SFMBT2: variants seen among roughly 807,000 people sequenced by gnomAD.
SFMBT2 encodes the protein Scm like with four mbt domains 2.
A neutral mutation model predicts 110.1 loss-of-function variants in SFMBT2; 38 were observed. The observed-to-expected ratio is 0.35, with a 90% CI of 0.27 to 0.45. The LOEUF is 0.45. Ranked by LOEUF, SFMBT2 falls within the 20% of genes least tolerant of loss-of-function variation. The pLI is 1.00. For missense variants in SFMBT2, 1,011 were observed against 1,094.9 expected, an observed-to-expected ratio of 0.92 and a Z score of 1.08; for synonymous variants, 425 against 425.4, an observed-to-expected ratio of 1.00 and a Z score of 0.01.
chr10:7,199,558 G>C (rs1430137813), intron 14 of SFMBT2, among the ~76,000 whole-genome samples: 3 of 152,114 alleles, frequency 2.0e-5, no homozygotes, highest in Non-Finnish European at 4.4e-5. Context: ...ACTATGAAAG[G>C]GTAGCTGTCA....
chr10:7,332,307 G>A (rs1843585160), intron 4 of SFMBT2, among the ~76,000 whole-genome samples: 1 of 152,212 alleles, frequency 6.6e-6, no homozygotes, highest in South Asian at 2.1e-4. Flanking sequence ...ATCCAAATGA[G>A]AGAAGACGCT....
At position 7,176,054 on chromosome 10, in the gene SFMBT2, A is replaced by G; in HGVS notation, c.1920T>C (p.Phe640=). 6.2e-7 allele frequency: 1 copy of G among 1,614,220 alleles called. No homozygotes were observed. Among genetic ancestry groups the G allele is most frequent in the Non-Finnish European group, 8.5e-7 (1 of 1,180,044 alleles). The change falls in exon 17 of 21, where the codon TTT becomes TTC. Residue 640 remains phenylalanine (F), a synonymous_variant. Transcript: ENST00000397167. ...AGTTTTCAGATATCAGCACAGGACT[A>G]AACAAATTTGGACAGCACTCTAGCT... ...CAKLECCPNL[F]SPVLISENCP...
chr10:7,202,882 A>G lies in SFMBT2; in HGVS notation c.1445-360T>C, dbSNP rs148680637. On this transcript the variant is annotated intron_variant, in intron 12 of 20. Transcript: ENST00000397167. ...TATCCGGAATGATTTTTTTCCAATA[A>G]AAATTGTGATGAAGCAAATCATGTT... is the stretch of plus-strand genomic sequence containing the variant. 7.8e-4 allele frequency: 768 copies of G among 985,452 alleles called. 6 individuals are homozygous for G. In the African/African-American group the frequency reaches 0.011, roughly 14 times the overall value. 61.0% of individuals were successfully genotyped at this position (985,452 alleles called of 1,614,324 possible). A position where few individuals can be genotyped will look rare whatever the true frequency, so the allele number is the denominator to read the frequency against.
intron 1 of SFMBT2, among the ~76,000 whole-genome samples, chr10:7,395,518 A>G (rs1321630791): frequency 6.6e-6 from 1 of 152,166 alleles, no homozygotes; most frequent in Non-Finnish European, 1.5e-5. Flanking sequence ...AATTATTGCT[A>G]ATTTCCTCAT....
Position 7,393,737 on chromosome 10 carries a change from G to A in SFMBT2, c.-51-11788C>T, listed in dbSNP as rs570029132. 1.6e-3 allele frequency among the ~76,000 whole-genome samples: 241 copies of A among 152,278 alleles called. 1 individual carries two copies. Among genetic ancestry groups the A allele is most frequent in the Non-Finnish European group, 2.5e-3 (170 of 68,022 alleles). ...AGTTCTGCTAATGGGAGGTGTACGG[G>A]ATTCACGTGTCCAACTACACGGTGG... On this transcript the variant is annotated intron_variant, in intron 1 of 20. Coordinates refer to ENST00000397167, the MANE Select transcript of SFMBT2 (RefSeq NM_001387889.1).
chr10:7,358,160 T>TCTGCATGGCCCTAGAACAC (rs1564456609), intron 4 of SFMBT2, among the ~76,000 whole-genome samples: 41 of 144,234 alleles, frequency 2.8e-4, no homozygotes, highest in Non-Finnish European at 4.2e-4. Context: ...CCCTGGAACA[T>TCTGCATGGCCCTAGAACAC]CTGCATGGCC....
At chr10:7,333,448 A>G (rs1408911669) in intron 4 of SFMBT2, among the ~76,000 whole-genome samples, 1 of 149,108 alleles carries the variant, frequency 6.7e-6, no homozygotes, top group African/African-American at 2.5e-5. Flanking sequence ...GCTGGAGTGC[A>G]GTGGCATGAT....
intron 1 of SFMBT2, among the ~76,000 whole-genome samples, chr10:7,385,723 G>A (rs1156238176): frequency 1.3e-5 from 2 of 152,208 alleles, no homozygotes; most frequent in Non-Finnish European, 2.9e-5. Flanking sequence ...CTCCTGGCCA[G>A]GCACAGTGGC....
At chr10:7,274,115 A>AG (rs1841691343) in intron 7 of SFMBT2, among the ~76,000 whole-genome samples, 1 of 152,194 alleles carries the variant, frequency 6.6e-6, no homozygotes, top group Non-Finnish European at 1.5e-5. Flanking sequence ...CACATTTCTA[A>AG]GGGATGTGAC....
At chr10:7,384,211 C>CAAAAAAAAAAA (rs59239303) in intron 1 of SFMBT2, among the ~76,000 whole-genome samples, 2 of 27,978 alleles carry the variant, frequency 7.1e-5, no homozygotes, top group African/African-American at 1.8e-4. Context: ...AACTCCATCT[C>CAAAAAAAAAAA]AAAAAAAAAA....
intron 4 of SFMBT2, among the ~76,000 whole-genome samples, chr10:7,363,725 A>G (rs1255090869): frequency 1.3e-5 from 2 of 152,104 alleles, no homozygotes; most frequent in Non-Finnish European, 2.9e-5. Context: ...TACCCCCCTC[A>G]TGCAAAGATG....
At chr10:7,254,181 T>C (rs1457078149) in intron 7 of SFMBT2, among the ~76,000 whole-genome samples, 3 of 152,194 alleles carry the variant, frequency 2.0e-5, no homozygotes, top group Non-Finnish European at 4.4e-5. Context: ...TAAATATTTA[T>C]CGAATTAAAC....
At chr10:7,225,666 C>T (rs1243116938) in intron 10 of SFMBT2, among the ~76,000 whole-genome samples, 4 of 152,064 alleles carry the variant, frequency 2.6e-5, no homozygotes, top group African/African-American at 9.7e-5. Context: ...CAATTCCTGG[C>T]TGCGAATGGG....
At chr10:7,239,904 C>A (rs1484329219) in intron 9 of SFMBT2, among the ~76,000 whole-genome samples, 1 of 146,350 alleles carries the variant, frequency 6.8e-6, no homozygotes, top group Non-Finnish European at 1.5e-5. Flanking sequence ...GACACCCCTG[C>A]ACCCCTGCAC....
In SFMBT2 at chr10:7,286,059, T is replaced by G. The variant is rs74116450; in HGVS notation, c.437-105A>C. ...TAAAATCACAGCAGTTTTCTCCATGTAGGTTTGATTTCAATGTTTTTCTTA... is the reference window on the plus strand; with the variant it reads ...TAAAATCACAGCAGTTTTCTCCATGGAGGTTTGATTTCAATGTTTTTCTTA... On this transcript the variant is annotated intron_variant, in intron 4 of 20. Transcript: ENST00000397167. The G allele has an allele frequency of 3.4e-3, 2,279 of 679,008 alleles. 32 individuals are homozygous for G. In the African/African-American group the frequency reaches 0.037, roughly 11 times the overall value. The allele number at this position is 679,008 out of a possible 1,614,324, so 42.1% of individuals were successfully genotyped here.
At chr10:7,294,587 T>C (rs933848008) in intron 4 of SFMBT2, among the ~76,000 whole-genome samples, 3 of 152,240 alleles carry the variant, frequency 2.0e-5, no homozygotes, top group African/African-American at 7.2e-5. Context: ...ACTGTTACTA[T>C]AAAATTAATT....
chr10:7,236,138 C>T (rs1840246599), intron 9 of SFMBT2, among the ~76,000 whole-genome samples: 1 of 151,926 alleles, frequency 6.6e-6, no homozygotes, highest in African/African-American at 2.4e-5. Flanking sequence ...AAAGAAATCC[C>T]ATTCACCACA....
intron 1 of SFMBT2, chr10:7,409,248 C>G (rs1846305656): frequency 6.6e-6 from 1 of 152,210 alleles, no homozygotes; most frequent in Non-Finnish European, 1.5e-5. Flanking sequence ...CCCGATTGCA[C>G]CCAATACCCG....
rs1487456602 is a variant in SFMBT2 at position 7,162,313 on chromosome 10, A to G, written c.*1457T>C. ...TACGATCTGGATCTTCCTTTCCAGC[A>G]TGAGTGGGGTGAATGCCAGCAGGAG... On this transcript the variant is annotated 3_prime_UTR_variant, in exon 21 of 21. Transcript: ENST00000397167. 1 of 151,694 alleles carries G rather than the reference A, an allele frequency of 6.6e-6. No homozygotes were observed. The highest frequency in any genetic ancestry group is 1.5e-5 in the Non-Finnish European group (1 of 68,072). The allele number at this position is 151,694 out of a possible 1,614,324, so 9.4% of individuals were successfully genotyped here.
Sources: gnomAD v4.1 joint callset for allele counts (sites outside exome capture counted in the v4.1 genomes callset) on GRCh38, gnomAD v4.1.1 for gene constraint, MANE v1.5 for transcripts, NCBI Gene and HGNC (gene_info 2026-07-23, HGNC 2026-07-21) for gene names.